GPR19: variants seen among roughly 807,000 people sequenced by gnomAD.
GPR19 encodes the protein probable G protein-coupled receptor 19.
GPR19 carries 14 observed loss-of-function variants against 28.5 expected under a neutral mutation model. That is an observed-to-expected ratio of 0.49 (90% CI 0.32 to 0.77). GPR19 has a LOEUF of 0.77. GPR19 is among the 30% of genes least tolerant of loss of function. The pLI is 0.03. For synonymous variants in GPR19, 173 were observed against 184.1 expected (o/e 0.94, Z 0.49); for missense variants, 409 against 504.1 (o/e 0.81, Z 1.81).
rs955928717 is a variant in GPR19 at position 12,661,375 on chromosome 12, A to T, written c.1074T>A (p.Tyr358Ter). 2 of 1,613,824 alleles carry T rather than the reference A, an allele frequency of 1.2e-6. No homozygotes were observed. ...SSMKCYRSNA[Y>*]TITTSSRMAK... ...CCATCCTTGAACTTGTTGTGATAGTATAGGCATTGCTTCGGTAACATTTCA... is the reference window on the plus strand; with the variant it reads ...CCATCCTTGAACTTGTTGTGATAGTTTAGGCATTGCTTCGGTAACATTTCA... Residue 358 changes from tyrosine to a stop codon, truncating the protein, a stop_gained, in exon 4 of 4, where the codon TAT becomes TAA. Coordinates refer to ENST00000651487, the MANE Select transcript of GPR19 (RefSeq NM_006143.3). LOFTEE classifies it high-confidence loss of function. This position sits in a 1 kb window ranked among gnomAD's most constrained non-coding sequence, Gnocchi z 4.2.
intron 3 of GPR19, among the ~76,000 whole-genome samples, chr12:12,674,315 G>T (rs941488173): frequency 6.6e-6 from 1 of 150,892 alleles, no homozygotes; most frequent in Admixed American, 6.6e-5. Flanking sequence ...GGTTGTGGTG[G>T]GAGGCTCCCA....
chr12:12,705,443 C>T, the GPR19 span, among the ~76,000 whole-genome samples: 3 of 152,130 alleles, frequency 2.0e-5, no homozygotes, highest in African/African-American at 7.2e-5. Context: ...GAACATTTGC[C>T]AGTTGAAATG....
chr12:12,685,654 G>A (rs868426596), intron 2 of GPR19, among the ~76,000 whole-genome samples: 6 of 152,088 alleles, frequency 3.9e-5, no homozygotes, highest in South Asian at 4.1e-4. Flanking sequence ...GATTGCTGTC[G>A]GTCCTAAATC....
chr12:12,702,245 TAATAG>T, the GPR19 span, among the ~76,000 whole-genome samples: 39 of 151,532 alleles, frequency 2.6e-4, no homozygotes, highest in East Asian at 3.3e-3. Context: ...AATAGAATAC[TAATAG>T]AATAGAATAG....
chr12:12,665,382 CTT>C (rs1945755709), intron 3 of GPR19, among the ~76,000 whole-genome samples: 1 of 152,180 alleles, frequency 6.6e-6, no homozygotes, highest in South Asian at 2.1e-4. Context: ...AGCCCAACCA[CTT>C]GGAAGCAGAG....
the GPR19 span, chr12:12,716,652 T>G: frequency 3.8e-6 from 2 of 528,856 alleles, no homozygotes; most frequent in East Asian, 1.5e-4. Context: ...CTTATTTTCA[T>G]TGAGGGAGAG....
the GPR19 span, among the ~76,000 whole-genome samples, chr12:12,714,137 T>C: frequency 1.3e-5 from 2 of 152,224 alleles, no homozygotes. Context: ...AGCAAATTAA[T>C]AGAAGGTGCT....
At chr12:12,702,107 C>T in the GPR19 span, among the ~76,000 whole-genome samples, 1 of 151,808 alleles carries the variant, frequency 6.6e-6, no homozygotes, top group Non-Finnish European at 1.5e-5. Flanking sequence ...GAATAAAGCT[C>T]CTCCCACTGA....
chr12:12,715,373 A>G, the GPR19 span, among the ~76,000 whole-genome samples: 1 of 152,216 alleles, frequency 6.6e-6, no homozygotes, highest in Non-Finnish European at 1.5e-5. Flanking sequence ...GCTTGATCCT[A>G]GGTGAATTCT....
At chr12:12,663,684 G>T (rs904451904) in intron 3 of GPR19, among the ~76,000 whole-genome samples, 16 of 152,130 alleles carry the variant, frequency 1.1e-4, no homozygotes, top group African/African-American at 3.9e-4. Context: ...AACAAAAAGA[G>T]AAACAGTAGC....
chr12:12,662,598 A>G, intron 3 of GPR19, 128 bp from the exon 4 acceptor site: 1 of 773,728 alleles, frequency 1.3e-6, no homozygotes, highest in Non-Finnish European at 2.0e-6. Context: ...GTAGGACTTG[A>G]GCGTTGGCAG....
chr12:12,709,926 G>T, the GPR19 span, among the ~76,000 whole-genome samples: 1 of 152,296 alleles, frequency 6.6e-6, no homozygotes, highest in South Asian at 2.1e-4. Context: ...TTCGGTAAGG[G>T]AATGGGAACA....
At chr12:12,717,223 G>A in the GPR19 span, 1 of 1,050,850 alleles carries the variant, frequency 9.5e-7, no homozygotes, top group Non-Finnish European at 1.1e-6. Context: ...CGGGGAGGCG[G>A]CGCGCTCGGG....
At chr12:12,707,632 T>C in the GPR19 span, among the ~76,000 whole-genome samples, 1 of 152,260 alleles carries the variant, frequency 6.6e-6, no homozygotes, top group South Asian at 2.1e-4. Flanking sequence ...AATGTTCTCC[T>C]TTATGTCTTC....
intron 3 of GPR19, among the ~76,000 whole-genome samples, chr12:12,669,530 G>C (rs1182197107): frequency 1.3e-5 from 2 of 152,106 alleles, no homozygotes; most frequent in African/African-American, 4.8e-5. Context: ...AATGAGAAAT[G>C]CCTGTAACAC....
intron 3 of GPR19, among the ~76,000 whole-genome samples, chr12:12,676,391 A>G (rs188429067): frequency 6.6e-6 from 1 of 152,274 alleles, no homozygotes. Context: ...GAGCTAATTT[A>G]ATTTATAACC....
At chr12:12,669,942 G>T (rs1207253248) in intron 3 of GPR19, among the ~76,000 whole-genome samples, 3 of 152,140 alleles carry the variant, frequency 2.0e-5, no homozygotes, top group Non-Finnish European at 4.4e-5. Context: ...TGTTGTCCAG[G>T]CTGGTCTTGA....
chr12:12,704,385 C>T, the GPR19 span, among the ~76,000 whole-genome samples: 1 of 152,028 alleles, frequency 6.6e-6, no homozygotes, highest in Non-Finnish European at 1.5e-5. Flanking sequence ...GTCTGTAATC[C>T]CAGCTACTCA....
At chr12:12,678,190 T>G (rs1945963232) in intron 3 of GPR19, among the ~76,000 whole-genome samples, 1 of 151,908 alleles carries the variant, frequency 6.6e-6, no homozygotes, top group African/African-American at 2.4e-5. Flanking sequence ...TATCCAGAAT[T>G]ATGTGCAATT....
Sources: allele counts gnomAD v4.1 joint callset (sites outside exome capture counted in the v4.1 genomes callset), GRCh38; gene constraint gnomAD v4.1.1; non-coding constraint Gnocchi (gnomAD v3.1); transcripts MANE v1.5; gene names NCBI Gene and HGNC (gene_info 2026-07-23, HGNC 2026-07-21).